Variants in IP6K1 observed in about 807,000 individuals in gnomAD.
The protein encoded by IP6K1 is inositol hexakisphosphate kinase 1.
Under a neutral mutation model 38.3 loss-of-function variants are expected in IP6K1, and 13 were observed. That is an observed-to-expected ratio of 0.34 (90% confidence interval 0.22 to 0.54). The LOEUF is 0.54. IP6K1 is among the 20% of genes least tolerant of loss of function. IP6K1 has a pLI of 0.92. For synonymous variants in IP6K1, 212 were observed against 229.9 expected (o/e 0.92, Z 0.70); for missense variants, 397 against 599.8 (o/e 0.66, Z 3.53).
intron 1 of IP6K1, among the ~76,000 whole-genome samples, chr3:49,777,336 TG>T (rs1310529120): frequency 2.0e-5 from 3 of 151,862 alleles, no homozygotes; most frequent in South Asian, 2.1e-4. Context: ...CCGAGGTGGA[TG>T]GATTGCCTGA....
chr3:49,774,543 C>A (rs902735772), intron 1 of IP6K1, among the ~76,000 whole-genome samples: 1 of 150,858 alleles, frequency 6.6e-6, no homozygotes, highest in Non-Finnish European at 1.5e-5. Flanking sequence ...CTTCAGAGAA[C>A]TGAAAGTCAG....
intron 2 of IP6K1, among the ~76,000 whole-genome samples, chr3:49,739,245 T>C (rs1209722009): frequency 6.6e-6 from 1 of 152,170 alleles, no homozygotes; most frequent in East Asian, 1.9e-4. Context: ...GTTGGCTCTA[T>C]AATCTGAAAA....
At chr3:49,734,716 C>CT (rs1004450827) in intron 3 of IP6K1, among the ~76,000 whole-genome samples, 1 of 152,062 alleles carries the variant, frequency 6.6e-6, no homozygotes, top group African/African-American at 2.4e-5. Context: ...TCAAAGATGC[C>CT]TTTTTTTGTG....
At chr3:49,759,250 T>C (rs1386273492) in intron 1 of IP6K1, among the ~76,000 whole-genome samples, 2 of 152,184 alleles carry the variant, frequency 1.3e-5, no homozygotes, top group Non-Finnish European at 2.9e-5. Flanking sequence ...TTGATGCTTA[T>C]ACTACTCTGA....
rs965475613 is a variant in IP6K1 at position 49,779,307 on chromosome 3, G to A, written c.-129+7047C>T. On this transcript the variant is annotated intron_variant, in intron 1 of 5. Coordinates refer to ENST00000321599, the MANE Select transcript of IP6K1 (RefSeq NM_153273.4). Reference sequence around the variant, plus strand: ...CATGTTGTAACATGTATCACACTTCGTTCCTTTTTATTGCAGAGTAATGTT... The same window carrying A: ...CATGTTGTAACATGTATCACACTTCATTCCTTTTTATTGCAGAGTAATGTT... Among the ~76,000 whole-genome samples, 14 of 152,096 alleles carry A rather than the reference G, an allele frequency of 9.2e-5. 1 individual carries two copies. The highest frequency in any genetic ancestry group is 2.2e-4 in the African/African-American group (9 of 41,398).
In IP6K1 at chr3:49,782,357, G is replaced by A. The variant is rs1244627155; in HGVS notation, c.-129+3997C>T. ...GGCTAATCTTTGTATTTTTAGTAGAGACGGTTTTTCACCATGTTGGTCAGG... is the reference window on the plus strand; with the variant it reads ...GGCTAATCTTTGTATTTTTAGTAGAAACGGTTTTTCACCATGTTGGTCAGG... On this transcript the variant is annotated intron_variant, in intron 1 of 5. Transcript: ENST00000321599. Among the ~76,000 whole-genome samples, 36 of 151,972 alleles carry A rather than the reference G, an allele frequency of 2.4e-4. 1 individual carries two copies. Among genetic ancestry groups the A allele is most frequent in the Admixed American group, 2.4e-3 (36 of 15,250 alleles).
At chr3:49,733,746 G>A (rs1187858308) in intron 3 of IP6K1, among the ~76,000 whole-genome samples, 1 of 152,228 alleles carries the variant, frequency 6.6e-6, no homozygotes, top group Non-Finnish European at 1.5e-5. Context: ...TGGGCTGGGG[G>A]AAGGAGGAAT....
rs1375957284 is a variant in IP6K1, at chr3:49,727,640, T to C, written c.808A>G (p.Thr270Ala). 6.2e-7 allele frequency: 1 copy of C among 1,613,602 alleles called. No homozygotes were observed. Among genetic ancestry groups the C allele is most frequent in the Admixed American group, 1.7e-5 (1 of 60,024 alleles). ...TTGTTCCTGCAGAGGTAATGCCCTGTGTCCAGCTGGTACACCTGAAACCCC... is the reference window on the plus strand; with the variant it reads ...TTGTTCCTGCAGAGGTAATGCCCTGCGTCCAGCTGGTACACCTGAAACCCC... ...VCGMQVYQLD[T>A]GHYLCRNKYY... Residue 270 changes from threonine to alanine, a missense_variant, in exon 6 of 6, where the codon ACA (threonine) becomes GCA (alanine). This residue lies in a region of IP6K1 where 62 missense variants were observed against 149.2 expected (regional missense o/e 0.42). Coordinates refer to ENST00000321599, the MANE Select transcript of IP6K1 (RefSeq NM_153273.4). The surrounding 1 kb of genome is among the most constrained non-coding windows in gnomAD (Gnocchi z 5.9).
chr3:49,755,540 T>C (rs1197029504), intron 1 of IP6K1, among the ~76,000 whole-genome samples: 1 of 152,180 alleles, frequency 6.6e-6, no homozygotes, highest in Non-Finnish European at 1.5e-5. Context: ...AATTTGTTTT[T>C]TACTGTATGA....
At chr3:49,733,888 G>A (rs768331577) in intron 3 of IP6K1, among the ~76,000 whole-genome samples, 2 of 152,206 alleles carry the variant, frequency 1.3e-5, no homozygotes, top group Non-Finnish European at 2.9e-5. Flanking sequence ...CCAACACTTT[G>A]GGAGGCCAAG....
At position 49,765,478 on chromosome 3, in the gene IP6K1, T is replaced by TAA. The variant is rs34207764; in HGVS notation, c.-128-17312_-128-17311dup. Among the ~76,000 whole-genome samples, 986 of 108,410 alleles carry TAA rather than the reference T, an allele frequency of 9.1e-3. 16 individuals are homozygous for TAA. The highest frequency in any genetic ancestry group is 0.03 in the African/African-American group (818 of 26,846). 71.1% of individuals were successfully genotyped at this position (108,410 alleles called of 152,430 possible). ...AACATGGTCAAACTCTGTTTCTACT[T>TAA]AAAAAAAAAAAAAAAAAAAAAATTA... On this transcript the variant is annotated intron_variant, in intron 1 of 5. Coordinates refer to ENST00000321599, the MANE Select transcript of IP6K1 (RefSeq NM_153273.4).
intron 1 of IP6K1, among the ~76,000 whole-genome samples, chr3:49,760,336 G>A (rs9835157): frequency 0.18 from 27,526 of 152,104 alleles, 2,843 homozygotes; most frequent in African/African-American, 0.26. Flanking sequence ...AAAGCAGACA[G>A]GTGGAGGCTG....
chr3:49,776,676 G>A (rs1027257388), intron 1 of IP6K1, among the ~76,000 whole-genome samples: 1 of 152,100 alleles, frequency 6.6e-6, no homozygotes, highest in Non-Finnish European at 1.5e-5. Context: ...GTCACTCTGT[G>A]CACATCTATA....
chr3:49,762,788 T>C (rs2080878246), intron 1 of IP6K1, among the ~76,000 whole-genome samples: 1 of 152,068 alleles, frequency 6.6e-6, no homozygotes, highest in Non-Finnish European at 1.5e-5. Context: ...GCTTTTTTTT[T>C]TTCAGACATA....
chr3:49,738,298 T>C lies in IP6K1; in HGVS notation c.348A>G (p.Lys116=). ...DTTEREQPRR[K]HSRRSLHRSG... is the part of the protein sequence containing the mutation. ...ACCGGTGCAGGCTCCGGCGGGAGTG[T>C]TTGCGCCGAGGTTGCTCCCGTTCTG... Residue 116 remains lysine, a synonymous_variant, in exon 3 of 6, where the codon AAA becomes AAG. Coordinates refer to ENST00000321599, the MANE Select transcript of IP6K1 (RefSeq NM_153273.4). 1 of 1,614,188 alleles carries C rather than the reference T, an allele frequency of 6.2e-7. No individual in the cohort carries two copies. Among genetic ancestry groups the C allele is most frequent in the Admixed American group, 1.7e-5 (1 of 60,020 alleles).
Position 49,747,997 on chromosome 3 carries a change from T to G in IP6K1, c.44A>C (p.Asn15Thr), listed in dbSNP as rs34785187. The G allele has an allele frequency of 1.2e-6, 2 of 1,613,796 alleles. No individual in the cohort carries two copies. Among genetic ancestry groups the G allele is most frequent in the African/African-American group, 2.7e-5 (2 of 74,926 alleles). The stretch of plus-strand genomic sequence containing the variant: ...TCCCCGGTCTCCAGCCCGACTTGCA[T>G]TCTTGCCATACTGCCCCACTTCCAT... The part of the protein sequence containing the change: ...QTMEVGQYGK[N>T]ASRAGDRGVL... Residue 15 changes from asparagine (N) to threonine (T), a missense_variant, in exon 2 of 6, where the codon AAT becomes ACT. Asn to Thr is a moderately conservative substitution (Grantham distance 65). Transcript: ENST00000321599.
In IP6K1 at chr3:49,724,624, A is replaced by G. The variant is rs1196212352; in HGVS notation, c.*2498T>C. 6.6e-6 allele frequency: 1 copy of G among 152,562 alleles called. No homozygotes were observed. Among genetic ancestry groups the G allele is most frequent in the African/African-American group, 2.4e-5 (1 of 41,444 alleles). The allele number at this position is 152,562 out of a possible 1,614,324, so 9.5% of individuals were successfully genotyped here. ...TTTAAGTCAGCACAAACATAACCAA[A>G]TTGTACAGCTTTAAAGTTCAAAGCA... On this transcript the variant is annotated 3_prime_UTR_variant, in exon 6 of 6. Coordinates refer to ENST00000321599, the MANE Select transcript of IP6K1 (RefSeq NM_153273.4).
chr3:49,726,752 G>T lies in IP6K1; in HGVS notation c.*370C>A. 3.0e-6 allele frequency: 1 copy of T among 332,800 alleles called. No individual in the cohort carries two copies. 20.6% of individuals were successfully genotyped at this position (332,800 alleles called of 1,614,324 possible). On this transcript the variant is annotated 3_prime_UTR_variant, in exon 6 of 6. Transcript: ENST00000321599. ...CGTGGAGGGGCCCTGCACCAGCCCA[G>T]GGCTTTACCTTACAATCAGCAGGGC... is the stretch of plus-strand genomic sequence containing the variant.
intron 1 of IP6K1, among the ~76,000 whole-genome samples, chr3:49,764,444 T>C (rs1378417507): frequency 6.6e-6 from 1 of 152,172 alleles, no homozygotes; most frequent in Non-Finnish European, 1.5e-5. Flanking sequence ...GTGTATGTTA[T>C]CAGTGAGGCT....
Sources: gnomAD v4.1 joint callset for allele counts (sites outside exome capture counted in the v4.1 genomes callset) on GRCh38, gnomAD v4.1.1 for gene constraint, gnomAD v4.1.1 regional missense constraint, Gnocchi (gnomAD v3.1) non-coding constraint, MANE v1.5 for transcripts, NCBI Gene and HGNC (gene_info 2026-07-23, HGNC 2026-07-21) for gene names.